Variants in PPP2R5E observed in about 807,000 individuals in gnomAD.
PPP2R5E encodes protein phosphatase 2 regulatory subunit B'epsilon.
A neutral mutation model predicts 65.3 loss-of-function variants in PPP2R5E; 4 were observed. The observed-to-expected ratio is 0.06, with a 90% confidence interval of 0.03 to 0.14. The LOEUF is 0.14. Among genes scored for constraint, PPP2R5E ranks in the 10% least tolerant of loss-of-function variants. The probability of loss-of-function intolerance (pLI) is 1.00; values close to 1 mark genes in which losing one functional copy is unlikely to be tolerated. For missense variants in PPP2R5E, 274 were observed against 556.1 expected (o/e 0.49, Z 5.10); for synonymous variants, 183 against 187.4 (o/e 0.98, Z 0.19).
chr14:63,384,469 T>C lies in PPP2R5E; in HGVS notation c.1177A>G (p.Arg393Gly), dbSNP rs1884542164. ...ILPIMFSSLY[R>G]ISKEHWNPAI... ...GGATTCCAATGTTCTTTTGAAATCC[T>C]ATAAAGGCTGGAAAACATGATGGGA... is the stretch of plus-strand genomic sequence containing the variant. The change falls in exon 12 of 14, where the codon AGG becomes GGG. Residue 393 changes from arginine (R) to glycine (G), a missense_variant. Arg to Gly is a moderately radical substitution (Grantham distance 125, BLOSUM62 -2). Around this residue, in one of 6 missense-constraint regions of PPP2R5E, gnomAD observed 129 missense variants for 254.9 expected, o/e 0.51. Transcript: ENST00000337537. The C allele has an allele frequency of 6.2e-7, 1 of 1,613,592 alleles. No homozygotes were observed. Among genetic ancestry groups the C allele is most frequent in the African/African-American group, 1.3e-5 (1 of 74,912 alleles).
intron 5 of PPP2R5E, among the ~76,000 whole-genome samples, chr14:63,397,993 T>C (rs535995293): frequency 6.6e-6 from 1 of 152,152 alleles, no homozygotes; most frequent in African/African-American, 2.4e-5. Context: ...CCTCCCAAAG[T>C]GCTGGGATTA....
At chr14:63,506,381 G>A (rs1167597490) in intron 2 of PPP2R5E, among the ~76,000 whole-genome samples, 1 of 152,136 alleles carries the variant, frequency 6.6e-6, no homozygotes, top group Admixed American at 6.5e-5. Context: ...AACCCGGGAG[G>A]CGGACCTTGC....
At chr14:63,518,384 G>A (rs1389013794) in intron 2 of PPP2R5E, among the ~76,000 whole-genome samples, 1 of 151,842 alleles carries the variant, frequency 6.6e-6, no homozygotes, top group Non-Finnish European at 1.5e-5. Context: ...TGGGACTACA[G>A]GTATACATCA....
At chr14:63,510,428 G>A (rs754309695) in intron 2 of PPP2R5E, among the ~76,000 whole-genome samples, 1 of 152,192 alleles carries the variant, frequency 6.6e-6, no homozygotes, top group Non-Finnish European at 1.5e-5. Flanking sequence ...AACTGAAGGG[G>A]ATAGAAAATA....
intron 2 of PPP2R5E, among the ~76,000 whole-genome samples, chr14:63,514,689 G>GC (rs1179254876): frequency 1.3e-5 from 2 of 152,118 alleles, no homozygotes; most frequent in Non-Finnish European, 2.9e-5. Context: ...ATGAGAGGGG[G>GC]CACTATCCTA....
In PPP2R5E at chr14:63,539,514, G is replaced by T; in HGVS notation, c.157+15C>A. The stretch of plus-strand genomic sequence containing the variant: ...TCAATTGAAAAAGAATGCATCACCT[G>T]GTCATGAGCCTTACCTTTTAGCAGC... On this transcript the variant is annotated intron_variant, in intron 2 of 13. Transcript: ENST00000337537. 1 of 1,609,582 alleles carries T rather than the reference G, an allele frequency of 6.2e-7. No individual in the cohort carries two copies. Among genetic ancestry groups the T allele is most frequent in the Non-Finnish European group, 8.5e-7 (1 of 1,177,668 alleles).
intron 10 of PPP2R5E, 148 bp downstream of exon 10, chr14:63,391,669 C>T (rs577933712): frequency 7.4e-5 from 56 of 757,040 alleles, no homozygotes; most frequent in Admixed American, 5.7e-4. Context: ...GTGATCTGCC[C>T]GCCTCGGCCT....
rs543242532 is a variant in PPP2R5E at position 63,372,682 on chromosome 14, G to C, written c.*3327C>G. On this transcript the variant is annotated 3_prime_UTR_variant, in exon 14 of 14. Coordinates refer to ENST00000337537, the MANE Select transcript of PPP2R5E (RefSeq NM_006246.5). ...CTCATCCCCACAAAAAAATAAAAAA[G>C]CTTTTAAAGCTCTAAATATACTTTT... The C allele has an allele frequency of 6.6e-6, 1 of 152,038 alleles. No individual in the cohort carries two copies. The highest frequency in any genetic ancestry group is 1.9e-4 in the East Asian group (1 of 5,164). The allele number at this position is 152,038 out of a possible 1,614,324, so 9.4% of individuals were successfully genotyped here.
At chr14:63,536,819 G>C (rs1270488076) in intron 2 of PPP2R5E, among the ~76,000 whole-genome samples, 1 of 152,186 alleles carries the variant, frequency 6.6e-6, no homozygotes, top group East Asian at 1.9e-4. Flanking sequence ...ACCTAGAGTA[G>C]TCAAATTCAT....
chr14:63,510,613 A>T (rs1566753405), intron 2 of PPP2R5E, among the ~76,000 whole-genome samples: 1 of 152,250 alleles, frequency 6.6e-6, no homozygotes, highest in Non-Finnish European at 1.5e-5. Context: ...CCGGTAGAGA[A>T]AACCACAAAT....
In PPP2R5E at chr14:63,532,004, T is replaced by C. The variant is rs1255782; in HGVS notation, c.157+7525A>G. On this transcript the variant is annotated intron_variant, in intron 2 of 13. Coordinates refer to ENST00000337537, the MANE Select transcript of PPP2R5E (RefSeq NM_006246.5). ...TAGATGCCTGAAGAACACACATCAT[T>C]AGTCAAAGGTACAAACTAGATCAAT... 7.2e-3 allele frequency among the ~76,000 whole-genome samples: 1,091 copies of C among 152,212 alleles called. 17 individuals carry two copies. Among genetic ancestry groups the C allele is most frequent in the African/African-American group, 0.025 (1,031 of 41,524 alleles).
chr14:63,383,039 C>A (rs942467579), intron 12 of PPP2R5E, among the ~76,000 whole-genome samples: 2 of 152,084 alleles, frequency 1.3e-5, no homozygotes, highest in Non-Finnish European at 2.9e-5. Flanking sequence ...GTCCTGCTGA[C>A]CCAAAATATA....
rs914422988 is a variant in PPP2R5E, at chr14:63,463,042, T to C, written c.158-9157A>G. Among the ~76,000 whole-genome samples, 329 of 141,462 alleles carry C rather than the reference T, an allele frequency of 2.3e-3. 2 individuals carry two copies. The highest frequency in any genetic ancestry group is 8.3e-3 in the African/African-American group (314 of 37,920). The allele number at this position is 141,462 out of a possible 152,430, so 92.8% of individuals were successfully genotyped here. On this transcript the variant is annotated intron_variant, in intron 2 of 13. Transcript: ENST00000337537. ...GCTGGAACCTGGGAGGCGGAGGTTG[T>C]GGTGAGCTGAGATGGCGCCATTGCA... is the stretch of plus-strand genomic sequence containing the variant.
intron 4 of PPP2R5E, among the ~76,000 whole-genome samples, chr14:63,419,661 A>T (rs1198807422): frequency 6.6e-6 from 1 of 152,224 alleles, no homozygotes; most frequent in African/African-American, 2.4e-5. Context: ...CAGTGTGCCT[A>T]GTGACCTAAA....
chr14:63,438,645 C>T (rs1888055005), intron 3 of PPP2R5E, among the ~76,000 whole-genome samples: 1 of 152,136 alleles, frequency 6.6e-6, no homozygotes. Context: ...AGCTGTCAAA[C>T]AATTTTAAGT....
At chr14:63,415,868 C>T (rs1162561588) in intron 4 of PPP2R5E, among the ~76,000 whole-genome samples, 2 of 152,154 alleles carry the variant, frequency 1.3e-5, no homozygotes, top group African/African-American at 2.4e-5. Context: ...TCAGTATGTA[C>T]TTGTTCAATT....
chr14:63,523,753 A>C (rs1566762008), intron 2 of PPP2R5E, among the ~76,000 whole-genome samples: 1 of 152,116 alleles, frequency 6.6e-6, no homozygotes, highest in Admixed American at 6.5e-5. Flanking sequence ...TAAAAAAAAA[A>C]AAAAAATTAA....
chr14:63,534,582 C>G (rs1026770478), intron 2 of PPP2R5E, among the ~76,000 whole-genome samples: 1 of 152,124 alleles, frequency 6.6e-6, no homozygotes, highest in African/African-American at 2.4e-5. Context: ...TAGGTTTTCC[C>G]TATCAGTGAA....
At chr14:63,406,792 G>A (rs1289889094) in intron 5 of PPP2R5E, among the ~76,000 whole-genome samples, 1 of 152,210 alleles carries the variant, frequency 6.6e-6, no homozygotes, top group Non-Finnish European at 1.5e-5. Context: ...AGAGACACAG[G>A]AAACCCATGT....
Sources: allele counts gnomAD v4.1 joint callset (sites outside exome capture counted in the v4.1 genomes callset), GRCh38; gene constraint gnomAD v4.1.1; regional missense constraint gnomAD v4.1.1; transcripts MANE v1.5; gene names NCBI Gene and HGNC (gene_info 2026-07-23, HGNC 2026-07-21).